LHPP: variants seen among roughly 807,000 people sequenced by gnomAD.
The protein encoded by LHPP is hLHPP.
In LHPP, 24 loss-of-function variants were observed where a neutral mutation model predicts 30.3. The observed-to-expected ratio is 0.79, with a 90% CI of 0.57 to 1.11. The LOEUF (loss-of-function observed/expected upper bound fraction) is 1.11, where lower values mean the gene tolerates loss of function less well. LHPP is among the 50% of genes most tolerant of loss of function. LHPP has a pLI of 0.00. For missense variants in LHPP, 356 were observed against 367.2 expected, an observed-to-expected ratio of 0.97 and a Z score of 0.25; for synonymous variants, 150 against 157.1, an observed-to-expected ratio of 0.95 and a Z score of 0.34.
intron 5 of LHPP, among the ~76,000 whole-genome samples, chr10:124,509,359 T>C (rs774808278): frequency 3.9e-5 from 6 of 152,192 alleles, no homozygotes; most frequent in Non-Finnish European, 8.8e-5. Context: ...TTCGCTCTTG[T>C]GCGTAACCCT....
chr10:124,519,128 A>G (rs1342267362), intron 6 of LHPP, among the ~76,000 whole-genome samples: 1 of 152,032 alleles, frequency 6.6e-6, no homozygotes, highest in Non-Finnish European at 1.5e-5. Flanking sequence ...TTGTATTTTT[A>G]GTGGAGACGG....
chr10:124,508,754 A>T (rs997965207), intron 5 of LHPP, among the ~76,000 whole-genome samples: 6 of 152,174 alleles, frequency 3.9e-5, no homozygotes, highest in African/African-American at 1.2e-4. Flanking sequence ...AACACAAATC[A>T]TGCTTGATCT....
rs563094350 is a variant in LHPP at position 124,556,176 on chromosome 10, C to T, written c.716+38905C>T. 2.6e-5 allele frequency among the ~76,000 whole-genome samples: 4 copies of T among 152,286 alleles called. No homozygotes were observed. The South Asian group carries it at 8.3e-4, about 32-fold the overall frequency. On this transcript the variant is annotated intron_variant, in intron 6 of 6. Transcript: ENST00000368842. ...GGCAGAGGGTAAACCACCGACCAGC[C>T]CACCATCCAGAGGTGACGGTGACCT...
intron 1 of LHPP, among the ~76,000 whole-genome samples, chr10:124,477,086 C>T (rs1359104427): frequency 6.6e-6 from 1 of 152,136 alleles, no homozygotes; most frequent in African/African-American, 2.4e-5. Flanking sequence ...GCCTGTAGTC[C>T]CAACTACTCG....
At chr10:124,560,533 G>A (rs766893381) in intron 6 of LHPP, among the ~76,000 whole-genome samples, 2 of 152,252 alleles carry the variant, frequency 1.3e-5, no homozygotes, top group Non-Finnish European at 2.9e-5. Context: ...GGCCTGCTCA[G>A]GGAGCGCCGT....
chr10:124,586,490 T>C (rs926282509), intron 6 of LHPP, among the ~76,000 whole-genome samples: 6 of 152,098 alleles, frequency 3.9e-5, no homozygotes, highest in Admixed American at 3.3e-4. Context: ...CCTCCCAGAT[T>C]TGTGGGGAAG....
At chr10:124,509,326 A>G (rs1199197077) in intron 5 of LHPP, among the ~76,000 whole-genome samples, 2 of 152,124 alleles carry the variant, frequency 1.3e-5, no homozygotes, top group East Asian at 3.8e-4. Flanking sequence ...TTTCCTATTG[A>G]TGGAGATGAG....
intron 6 of LHPP, among the ~76,000 whole-genome samples, chr10:124,564,415 G>A (rs1012379929): frequency 4.6e-5 from 7 of 151,708 alleles, no homozygotes; most frequent in South Asian, 4.2e-4. Flanking sequence ...GAGCCACCGC[G>A]CCCGGCCAAT....
chr10:124,474,511 G>A (rs903361571), intron 1 of LHPP, among the ~76,000 whole-genome samples: 5 of 152,106 alleles, frequency 3.3e-5, no homozygotes, highest in Admixed American at 6.6e-5. Context: ...TCAAGGAGCT[G>A]TATTTTCCAC....
At chr10:124,522,020 T>C (rs1169767936) in intron 6 of LHPP, among the ~76,000 whole-genome samples, 4 of 152,104 alleles carry the variant, frequency 2.6e-5, no homozygotes, top group Non-Finnish European at 5.9e-5. Context: ...CATTATAAAA[T>C]GGCCCAAAGA....
chr10:124,575,110 A>G (rs1948640727), intron 6 of LHPP, among the ~76,000 whole-genome samples: 1 of 152,118 alleles, frequency 6.6e-6, no homozygotes, highest in South Asian at 2.1e-4. Flanking sequence ...TCTTAAAGTA[A>G]TTCCCCCCAC....
chr10:124,572,928 C>T (rs1000894794), intron 6 of LHPP, among the ~76,000 whole-genome samples: 8 of 152,352 alleles, frequency 5.3e-5, no homozygotes, highest in Admixed American at 5.2e-4. Flanking sequence ...ATATCAGCTC[C>T]ACCAATCCTG....
chr10:124,482,028 G>A (rs573472353), intron 1 of LHPP, among the ~76,000 whole-genome samples: 1 of 152,324 alleles, frequency 6.6e-6, no homozygotes, highest in South Asian at 2.1e-4. Flanking sequence ...GCTCAAGAGC[G>A]GAACAGAAAG....
At chr10:124,557,356 G>A (rs1281296415) in intron 6 of LHPP, among the ~76,000 whole-genome samples, 1 of 152,222 alleles carries the variant, frequency 6.6e-6, no homozygotes, top group Non-Finnish European at 1.5e-5. Context: ...GCACTCAGTA[G>A]TGCTCACCAA....
Position 124,549,531 on chromosome 10 carries a change from C to A in LHPP, c.716+32260C>A, listed in dbSNP as rs180853794. Among the ~76,000 whole-genome samples the A allele has an allele frequency of 1.5e-3, 228 of 152,238 alleles. 2 individuals carry two copies. The highest frequency in any genetic ancestry group is 5.2e-3 in the African/African-American group (218 of 41,570). ...AACTCCTAATTTCTGAGCCCTGGTT[C>A]TGAAAAAGCTTTCTTTTTTCTTTCT... is the stretch of plus-strand genomic sequence containing the variant. On this transcript the variant is annotated intron_variant, in intron 6 of 6. Coordinates refer to ENST00000368842, the MANE Select transcript of LHPP (RefSeq NM_022126.4).
chr10:124,613,469 AC>A lies in LHPP; in HGVS notation c.*113del. ...CGCCCAGGAGAGCCCCACCTCCTCC[AC>A]CCCTGCCTCTCCTCCACCCCTGCCT... is the stretch of plus-strand genomic sequence containing the variant. On this transcript the variant is annotated 3_prime_UTR_variant, in exon 7 of 7. Coordinates refer to ENST00000368842, the MANE Select transcript of LHPP (RefSeq NM_022126.4). The A allele has an allele frequency of 4.7e-6, 3 of 636,670 alleles. No homozygotes were observed. The highest frequency in any genetic ancestry group is 7.7e-6 in the Non-Finnish European group (3 of 390,198). The allele number at this position is 636,670 out of a possible 1,614,324, so 39.4% of individuals were successfully genotyped here. A position where few individuals can be genotyped will look rare whatever the true frequency, so the allele number is the denominator to read the frequency against.
At chr10:124,479,635 CA>C (rs1372481591) in intron 1 of LHPP, among the ~76,000 whole-genome samples, 2 of 152,194 alleles carry the variant, frequency 1.3e-5, no homozygotes, top group Non-Finnish European at 1.5e-5. Context: ...TGTGTGCTCA[CA>C]TGGCCTCTTT....
In LHPP at chr10:124,600,802, C is replaced by T. The variant is rs531604017; in HGVS notation, c.717-12462C>T. Among the ~76,000 whole-genome samples, 7 of 152,222 alleles carry T rather than the reference C, an allele frequency of 4.6e-5. 1 individual carries two copies. The highest frequency in any genetic ancestry group is 7.3e-5 in the Non-Finnish European group (5 of 68,030). On this transcript the variant is annotated intron_variant, in intron 6 of 6. Transcript: ENST00000368842. ...AGGCTCACAGGAAGCCAATGCCAGG[C>T]GATAACCCACAGTCCCCAGTGGTCA...
rs893124195 is a variant in LHPP at position 124,608,420 on chromosome 10, C to T, written c.717-4844C>T. ...TTAGCCACAACAGCGCCCACACCCGCGCCAACCAACCTGTCCTTGCCACGA... is the reference window on the plus strand; with the variant it reads ...TTAGCCACAACAGCGCCCACACCCGTGCCAACCAACCTGTCCTTGCCACGA... On this transcript the variant is annotated intron_variant, in intron 6 of 6. Transcript: ENST00000368842. Among the ~76,000 whole-genome samples, 11 of 152,206 alleles carry T rather than the reference C, an allele frequency of 7.2e-5. No homozygotes were observed. In the South Asian group the frequency reaches 8.3e-4, roughly 11 times the overall value.
Sources: allele counts gnomAD v4.1 joint callset (sites outside exome capture counted in the v4.1 genomes callset), GRCh38; gene constraint gnomAD v4.1.1; transcripts MANE v1.5; gene names NCBI Gene and HGNC (gene_info 2026-07-23, HGNC 2026-07-21).